Variants in SCOC observed in about 807,000 individuals in gnomAD.
SCOC encodes the protein short coiled coil protein.
A neutral mutation model predicts 9.9 loss-of-function variants in SCOC; 7 were observed. The observed-to-expected ratio is 0.71, with a 90% CI of 0.40 to 1.33. SCOC has a LOEUF of 1.33. SCOC is among the 40% of genes most tolerant of loss of function. The probability of loss-of-function intolerance (pLI) is 0.01; values close to 1 mark genes in which losing one functional copy is unlikely to be tolerated. For missense variants in SCOC, 66 were observed against 89.7 expected (o/e 0.74, Z 1.07); for synonymous variants, 19 against 28.2 (o/e 0.67, Z 1.03).
At chr4:140,330,907 A>G (rs1335059227) in intron 1 of SCOC, among the ~76,000 whole-genome samples, 1 of 152,216 alleles carries the variant, frequency 6.6e-6, no homozygotes, top group Non-Finnish European at 1.5e-5. Flanking sequence ...GGGATGAAAA[A>G]AACAGTTTTT....
At chr4:140,373,780 C>T in intron 1 of SCOC, 63 bp downstream of exon 1, 2 of 1,463,432 alleles carry the variant, frequency 1.4e-6, no homozygotes, top group Non-Finnish European at 1.8e-6. Context: ...ATCCTCAGTA[C>T]CTCCGAGGGC....
intron 1 of SCOC, among the ~76,000 whole-genome samples, chr4:140,338,006 T>G (rs1733008130): frequency 6.6e-6 from 1 of 152,074 alleles, no homozygotes; most frequent in Non-Finnish European, 1.5e-5. Context: ...AAAAGAGAAT[T>G]TTAGACCAAT....
Position 140,384,543 on chromosome 4 carries a change from G to A in SCOC, c.*3439G>A, listed in dbSNP as rs1161671466. 1.3e-5 allele frequency: 2 copies of A among 152,142 alleles called. No homozygotes were observed. The highest frequency in any genetic ancestry group is 2.9e-5 in the Non-Finnish European group (2 of 68,034). 9.4% of individuals were successfully genotyped at this position (152,142 alleles called of 1,614,324 possible). A position where few individuals can be genotyped will look rare whatever the true frequency, so the allele number is the denominator to read the frequency against. ...ACCCTACTCTTGATGTCTCCAGTTA[G>A]TAGTTTTCCATCCACTGACCTCATC... On this transcript the variant is annotated 3_prime_UTR_variant, in exon 4 of 4. Transcript: ENST00000608372.
chr4:140,301,266 G>C (rs181277725), intron 1 of SCOC, among the ~76,000 whole-genome samples: 5 of 152,122 alleles, frequency 3.3e-5, no homozygotes, highest in Non-Finnish European at 5.9e-5. Flanking sequence ...AAACCAGTAA[G>C]GTGTTAGATT....
chr4:140,299,268 C>T lies in SCOC; in HGVS notation c.-19+41858C>T, dbSNP rs556258758. Among the ~76,000 whole-genome samples the T allele has an allele frequency of 3.3e-5, 5 of 152,252 alleles. No homozygotes were observed. The South Asian group carries it at 1.0e-3, about 32-fold the overall frequency. On this transcript the variant is annotated intron_variant, in intron 1 of 4. Coordinates refer to the SCOC transcript ENST00000394205. ...AGCAAACTGAAGAACACTGTGCTAG[C>T]CATTGTGAGGGATGTAAAGTGTGGT...
At chr4:140,363,006 T>C (rs1030240850) in intron 2 of SCOC, among the ~76,000 whole-genome samples, 2 of 152,208 alleles carry the variant, frequency 1.3e-5, no homozygotes, top group Non-Finnish European at 2.9e-5. Context: ...CTTTAAGGGA[T>C]GAGGTAATGC....
chr4:140,369,254 A>G, upstream of SCOC: 1 of 449,236 alleles, frequency 2.2e-6, no homozygotes, highest in South Asian at 1.6e-5. Flanking sequence ...TGTAGTATAC[A>G]ATTACGTCTA....
At chr4:140,334,894 G>A (rs1732915729) in intron 1 of SCOC, among the ~76,000 whole-genome samples, 2 of 152,020 alleles carry the variant, frequency 1.3e-5, no homozygotes, top group Non-Finnish European at 1.5e-5. Flanking sequence ...TTGAGCCCAG[G>A]AGTTCAAGAC....
rs1218076891 is a variant in SCOC, at chr4:140,366,806, G to A, written c.71-12315G>A. Reference sequence around the variant, plus strand: ...GTTGCAACCAATTTTCTGGCACGAGGTCCAGAGGGGATGTAGCCCACACGG... The same window carrying A: ...GTTGCAACCAATTTTCTGGCACGAGATCCAGAGGGGATGTAGCCCACACGG... On this transcript the variant is annotated intron_variant, in intron 2 of 4. Coordinates refer to the SCOC transcript ENST00000338517. 6 of 1,110,838 alleles carry A rather than the reference G, an allele frequency of 5.4e-6. No individual in the cohort carries two copies. The Admixed American group carries it at 8.4e-5, about 16-fold the overall frequency. 68.8% of individuals were successfully genotyped at this position (1,110,838 alleles called of 1,614,324 possible). A position where few individuals can be genotyped will look rare whatever the true frequency, so the allele number is the denominator to read the frequency against.
At chr4:140,325,635 A>ATAG (rs1236031715) in intron 1 of SCOC, among the ~76,000 whole-genome samples, 2 of 152,170 alleles carry the variant, frequency 1.3e-5, no homozygotes, top group Admixed American at 1.3e-4. Flanking sequence ...CCATAATGTG[A>ATAG]TAGCACTACA....
At chr4:140,312,198 A>G (rs2126468810) in intron 1 of SCOC, among the ~76,000 whole-genome samples, 1 of 152,312 alleles carries the variant, frequency 6.6e-6, no homozygotes, top group Non-Finnish European at 1.5e-5. Context: ...AGGTCTTGAC[A>G]TGGGCCCCTC....
In SCOC at chr4:140,383,925, T is replaced by C. The variant is rs1440924128; in HGVS notation, c.*2821T>C. 2 of 152,212 alleles carry C rather than the reference T, an allele frequency of 1.3e-5. No homozygotes were observed. Among genetic ancestry groups the C allele is most frequent in the African/African-American group, 4.8e-5 (2 of 41,468 alleles). 9.4% of individuals were successfully genotyped at this position (152,212 alleles called of 1,614,324 possible). On this transcript the variant is annotated 3_prime_UTR_variant, in exon 4 of 4. Coordinates refer to ENST00000608372, the MANE Select transcript of SCOC (RefSeq NM_001153484.2). ...ACTAAAAATAAGATTACACTGGGAA[T>C]GTTACATGCAGATCATCACTGCAAA...
At chr4:140,270,977 G>T (rs1319948236) in intron 1 of SCOC, among the ~76,000 whole-genome samples, 3 of 152,164 alleles carry the variant, frequency 2.0e-5, no homozygotes, top group African/African-American at 7.2e-5. Flanking sequence ...CCCAAACCAT[G>T]CTCTTACCAA....
intron 1 of SCOC, among the ~76,000 whole-genome samples, chr4:140,301,065 G>C (rs1731796822): frequency 1.3e-5 from 2 of 152,182 alleles, no homozygotes; most frequent in South Asian, 4.1e-4. Flanking sequence ...AAGGTTGTCA[G>C]CTCATGGTCC....
intron 2 of SCOC, among the ~76,000 whole-genome samples, chr4:140,365,637 C>T (rs895469416): frequency 1.3e-5 from 2 of 152,154 alleles, no homozygotes; most frequent in African/African-American, 4.8e-5. Flanking sequence ...CCTCTGTTGC[C>T]TCTGGGACAG....
At chr4:140,357,487 G>A (rs1364372849) in intron 2 of SCOC, among the ~76,000 whole-genome samples, 4 of 152,204 alleles carry the variant, frequency 2.6e-5, no homozygotes, top group Non-Finnish European at 4.4e-5. Context: ...TCAGTTCCGT[G>A]TATCTGATTT....
Position 140,381,852 on chromosome 4 carries a change from CAT to C in SCOC, c.*749_*750del, listed in dbSNP as rs1393011986. ...TATCTGAAAATATATAATTTCTGGTCATGTGTATGTTAAAATAGAAAATTTTG... is the reference window on the plus strand; with the variant it reads ...TATCTGAAAATATATAATTTCTGGTCGTGTATGTTAAAATAGAAAATTTTG... On this transcript the variant is annotated 3_prime_UTR_variant, in exon 4 of 4. Transcript: ENST00000608372. 1 of 152,038 alleles carries C rather than the reference CAT, an allele frequency of 6.6e-6. No individual in the cohort carries two copies. The highest frequency in any genetic ancestry group is 1.5e-5 in the Non-Finnish European group (1 of 67,994). The allele number at this position is 152,038 out of a possible 1,614,324, so 9.4% of individuals were successfully genotyped here.
intron 1 of SCOC, among the ~76,000 whole-genome samples, chr4:140,299,199 T>G (rs1731742586): frequency 6.6e-6 from 1 of 152,196 alleles, no homozygotes; most frequent in East Asian, 1.9e-4. Flanking sequence ...AATGTAGGCA[T>G]GCAATACATA....
At chr4:140,262,678 T>C (rs1702162378) in intron 1 of SCOC, among the ~76,000 whole-genome samples, 1 of 151,980 alleles carries the variant, frequency 6.6e-6, no homozygotes. Context: ...TGAGACTGGC[T>C]AATTTATAAA....
Sources: gnomAD v4.1 joint callset for allele counts (sites outside exome capture counted in the v4.1 genomes callset) on GRCh38, gnomAD v4.1.1 for gene constraint, MANE v1.5 for transcripts, NCBI Gene and HGNC (gene_info 2026-07-23, HGNC 2026-07-21) for gene names.